SLC34A1: variants seen among roughly 807,000 people sequenced by gnomAD.
SLC34A1 encodes sodium-dependent phosphate transport protein 2A.
In SLC34A1, 57 loss-of-function variants were observed where a neutral mutation model predicts 51.4. That is an observed-to-expected ratio of 1.11 (90% CI 0.90 to 1.38). The LOEUF is 1.38. Among genes scored for constraint, SLC34A1 ranks in the 40% most tolerant of loss-of-function variants. SLC34A1 has a pLI of 0.00. For synonymous variants in SLC34A1, 368 were observed against 358.0 expected, an observed-to-expected ratio of 1.03 and a Z score of -0.32; for missense variants, 796 against 835.6, an observed-to-expected ratio of 0.95 and a Z score of 0.58.
At chr5:177,387,642 A>G in intron 5 of SLC34A1, 120 bp from the exon 6 acceptor site, 1 of 842,528 alleles carries the variant, frequency 1.2e-6, no homozygotes, top group South Asian at 1.4e-5. Flanking sequence ...AGGCAGACTC[A>G]GCAGCATGGC....
chr5:177,398,065 G>A lies in SLC34A1; in HGVS notation c.1699G>A (p.Gly567Arg), dbSNP rs761460000. ...CAATGTCCTGCAGAGTCGGAGTCCC[G>A]GGCACCTGCCCAAGTGGTTACAGAC... is the stretch of plus-strand genomic sequence containing the variant. ...LINVLQSRSP[G>R]HLPKWLQTWD... The change falls in exon 13 of 13, where the codon GGG becomes AGG. Residue 567 changes from glycine (G) to arginine (R), a missense_variant. By Grantham distance (125) the Gly-to-Arg change is moderately radical. Coordinates refer to ENST00000324417, the MANE Select transcript of SLC34A1 (RefSeq NM_003052.5). This position sits in a 1 kb window ranked among gnomAD's most constrained non-coding sequence, Gnocchi z 4.7. 4.1e-5 allele frequency: 66 copies of A among 1,613,684 alleles called. No homozygotes were observed. Among genetic ancestry groups the A allele is most frequent in the Non-Finnish European group, 5.0e-5 (59 of 1,179,832 alleles).
At chr5:177,395,757 T>C (rs371381071) in intron 10 of SLC34A1, among the ~76,000 whole-genome samples, 1 of 152,320 alleles carries the variant, frequency 6.6e-6, no homozygotes, top group African/African-American at 2.4e-5. Flanking sequence ...TTCAGTCTCC[T>C]GAGTAAACTG....
At position 177,386,371 on chromosome 5, in the gene SLC34A1, C is replaced by A. The variant is rs1189190692; in HGVS notation, c.388+22C>A. 6 of 1,614,108 alleles carry A rather than the reference C, an allele frequency of 3.7e-6. No individual in the cohort carries two copies. The African/African-American group carries it at 5.3e-5, about 14-fold the overall frequency. On this transcript the variant is annotated intron_variant, in intron 4 of 12. Transcript: ENST00000324417. The surrounding 1 kb of genome is among the most constrained non-coding windows in gnomAD (Gnocchi z 4.8). ...GGAGGTAGGGCCCGGGTGGAGGAGACCTGGGAGGGGTTCCTGAAGGGCCTT... is the reference window on the plus strand; with the variant it reads ...GGAGGTAGGGCCCGGGTGGAGGAGAACTGGGAGGGGTTCCTGAAGGGCCTT...
In SLC34A1 at chr5:177,398,536, G is replaced by A. The variant is rs867410398; in HGVS notation, c.*250G>A. ...TACAGGTGTGCCAGCCCATGCAGGT[G>A]TACACAGACACACCTGTGGGAGGCT... is the stretch of plus-strand genomic sequence containing the variant. On this transcript the variant is annotated 3_prime_UTR_variant, in exon 13 of 13. Transcript: ENST00000324417. This position sits in a 1 kb window ranked among gnomAD's most constrained non-coding sequence, Gnocchi z 4.7. 6 of 593,690 alleles carry A rather than the reference G, an allele frequency of 1.0e-5. No individual in the cohort carries two copies. In the Middle Eastern group the frequency reaches 1.3e-3, roughly 133 times the overall value. 36.8% of individuals were successfully genotyped at this position (593,690 alleles called of 1,614,324 possible).
At chr5:177,394,845 C>T (rs1318504992) in intron 10 of SLC34A1, among the ~76,000 whole-genome samples, 1 of 151,894 alleles carries the variant, frequency 6.6e-6, no homozygotes, top group Non-Finnish European at 1.5e-5. Flanking sequence ...AGGTGCCGGC[C>T]ACAACACCCG....
At chr5:177,393,554 C>T (rs888980488) in intron 8 of SLC34A1, 140 bp from the exon 9 acceptor site, 10 of 782,374 alleles carry the variant, frequency 1.3e-5, no homozygotes, top group Non-Finnish European at 2.0e-5. Context: ...GAGACAGGCT[C>T]AGAGAGGGCA....
In SLC34A1 at chr5:177,396,429, GATCC is replaced by G; in HGVS notation, c.1175-303_1175-300del. ...TCGTCTCTCCCAGTGCCCCCGCGGA[GATCC>G]GCTCTCCCAGTGCCCCCGCGGAGGT... On this transcript the variant is annotated intron_variant, in intron 10 of 12. Transcript: ENST00000324417. The surrounding 1 kb of genome is among the most constrained non-coding windows in gnomAD (Gnocchi z 4.0). 2.0e-5 allele frequency among the ~76,000 whole-genome samples: 3 copies of G among 151,334 alleles called. No homozygotes were observed. Among genetic ancestry groups the G allele is most frequent in the African/African-American group, 4.9e-5 (2 of 41,190 alleles).
intron 8 of SLC34A1, among the ~76,000 whole-genome samples, chr5:177,390,903 T>G (rs1383817029): frequency 1.3e-5 from 2 of 152,096 alleles, no homozygotes; most frequent in Non-Finnish European, 2.9e-5. Context: ...AACTAGCCCC[T>G]GGGAAAAGGT....
intron 2 of SLC34A1, 26 bp downstream of exon 2, chr5:177,385,876 C>A (rs561862898): frequency 4.1e-5 from 66 of 1,610,932 alleles, no homozygotes; most frequent in Non-Finnish European, 5.3e-5. Context: ...ACACCCTGGA[C>A]CCTGGTTGCC....
At chr5:177,394,644 C>T (rs1228089569) in intron 10 of SLC34A1, among the ~76,000 whole-genome samples, 3 of 151,398 alleles carry the variant, frequency 2.0e-5, no homozygotes, top group South Asian at 2.1e-4. Flanking sequence ...ATCACTTGAG[C>T]CCAGGAGTCC....
intron 9 of SLC34A1, 41 bp downstream of exon 9, chr5:177,393,804 G>A: frequency 6.3e-7 from 1 of 1,595,580 alleles, no homozygotes; most frequent in Non-Finnish European, 8.6e-7. Flanking sequence ...CATGGCAGGG[G>A]CAGAGCCTAG....
chr5:177,385,622 C>G (rs1248731293), intron 1 of SLC34A1, 73 bp from the exon 2 acceptor site: 1 of 749,356 alleles, frequency 1.3e-6, no homozygotes, highest in Non-Finnish European at 2.4e-6. Flanking sequence ...TATTTGGAAT[C>G]ATGCGCCATG....
chr5:177,387,319 C>T (rs1004571181), intron 5 of SLC34A1, among the ~76,000 whole-genome samples: 9 of 152,106 alleles, frequency 5.9e-5, no homozygotes, highest in Non-Finnish European at 1.0e-4. Context: ...GGCATGAACC[C>T]AGGAGGCAGA....
intron 12 of SLC34A1, chr5:177,397,428 G>A: frequency 4.1e-6 from 2 of 493,460 alleles, no homozygotes. Flanking sequence ...AGGAGCAAAG[G>A]AGTAACTGAC....
rs1418600250 is a variant in SLC34A1 at position 177,396,977 on chromosome 5, C to T, written c.1319C>T (p.Ala440Val). Residue 440 changes from alanine (A) to valine (V), a missense_variant, in exon 12 of 13, where the codon GCC becomes GTC. By Grantham distance (64) the Ala-to-Val change is moderately conservative. Transcript: ENST00000324417. The surrounding 1 kb of genome is among the most constrained non-coding windows in gnomAD (Gnocchi z 4.0). The stretch of plus-strand genomic sequence containing the variant: ...CTTGGTGTGATCAGCATTGAGAGGG[C>T]CTACCCGCTCACACTGGGTTCCAAC... ...IGLGVISIER[A>V]YPLTLGSNIG... The T allele has an allele frequency of 6.2e-7, 1 of 1,614,146 alleles. No homozygotes were observed. Among genetic ancestry groups the T allele is most frequent in the East Asian group, 2.2e-5 (1 of 44,882 alleles).
intron 8 of SLC34A1, among the ~76,000 whole-genome samples, chr5:177,393,004 G>C (rs1191710561): frequency 6.6e-6 from 1 of 152,172 alleles, no homozygotes; most frequent in Non-Finnish European, 1.5e-5. Context: ...TGCGTCCCTG[G>C]ATGGTGACAG....
intron 8 of SLC34A1, among the ~76,000 whole-genome samples, chr5:177,391,773 G>A (rs1054991711): frequency 6.6e-6 from 1 of 152,226 alleles, no homozygotes; most frequent in Non-Finnish European, 1.5e-5. Context: ...GCCAAGCCCT[G>A]TGATGAGCGC....
chr5:177,388,517 T>C lies in SLC34A1; in HGVS notation c.936+145T>C. On this transcript the variant is annotated intron_variant, in intron 8 of 12. Coordinates refer to ENST00000324417, the MANE Select transcript of SLC34A1 (RefSeq NM_003052.5). This position sits in a 1 kb window ranked among gnomAD's most constrained non-coding sequence, Gnocchi z 4.3. The stretch of plus-strand genomic sequence containing the variant: ...GTGGCCCTTCTACTGTGCTTACAGT[T>C]AACATTGCTAATTCCTCCCAACTTC... The C allele has an allele frequency of 1.4e-6, 1 of 728,186 alleles. No homozygotes were observed. The highest frequency in any genetic ancestry group is 2.4e-6 in the Non-Finnish European group (1 of 409,504). The allele number at this position is 728,186 out of a possible 1,614,324, so 45.1% of individuals were successfully genotyped here. A position where few individuals can be genotyped will look rare whatever the true frequency, so the allele number is the denominator to read the frequency against.
rs1762965417 is a variant in SLC34A1 at position 177,396,487 on chromosome 5, CTCTCTCCCA to C, written c.1175-245_1175-237del. ...CTCTCCCAGTGCCCCCGCGGAGGTC[CTCTCTCCCA>C]GTGCCCCCGCGGAGGTCCTCTCTCC... is the stretch of plus-strand genomic sequence containing the variant. On this transcript the variant is annotated intron_variant, in intron 10 of 12. Coordinates refer to ENST00000324417, the MANE Select transcript of SLC34A1 (RefSeq NM_003052.5). The surrounding 1 kb of genome is among the most constrained non-coding windows in gnomAD (Gnocchi z 4.0). Among the ~76,000 whole-genome samples, 3 of 99,632 alleles carry C rather than the reference CTCTCTCCCA, an allele frequency of 3.0e-5. No individual in the cohort carries two copies. The highest frequency in any genetic ancestry group is 8.7e-5 in the African/African-American group (3 of 34,634). The allele number at this position is 99,632 out of a possible 152,430, so 65.4% of individuals were successfully genotyped here.
Sources: allele counts gnomAD v4.1 joint callset (sites outside exome capture counted in the v4.1 genomes callset), GRCh38; gene constraint gnomAD v4.1.1; non-coding constraint Gnocchi (gnomAD v3.1); transcripts MANE v1.5; gene names NCBI Gene and HGNC (gene_info 2026-07-23, HGNC 2026-07-21).